ENTREP3: variants seen among roughly 807,000 people sequenced by gnomAD.
ENTREP3 encodes endosomal transmembrane epsin interactor 3.
chr1:155,255,319 G>A, the ENTREP3 span: 5 of 189,230 alleles, frequency 2.6e-5, no homozygotes, highest in South Asian at 4.9e-4. The surrounding 1 kb of genome is among the most constrained non-coding windows in gnomAD (Gnocchi z 5.6). Flanking sequence ...TAGAGGCGCG[G>A]TCGGTGTGCC....
At chr1:155,251,483 A>C in the ENTREP3 span, 11 of 1,592,096 alleles carry the variant, frequency 6.9e-6, no homozygotes, top group Non-Finnish European at 9.5e-6. Flanking sequence ...GCCCGCCCCA[A>C]GCCGTGCTGT....
At chr1:155,255,408 G>GCTC in the ENTREP3 span, 1 of 153,130 alleles carries the variant, frequency 6.5e-6, no homozygotes, top group Non-Finnish European at 1.5e-5. The surrounding 1 kb of genome is among the most constrained non-coding windows in gnomAD (Gnocchi z 5.6). Context: ...CGCCTGTCCC[G>GCTC]CTCCCCTCCC....
At chr1:155,248,771 G>C in the ENTREP3 span, among the ~76,000 whole-genome samples, 3 of 151,874 alleles carry the variant, frequency 2.0e-5, no homozygotes, top group Non-Finnish European at 4.4e-5. Context: ...CCGGAGTGCA[G>C]TGGTACGATC....
the ENTREP3 span, chr1:155,248,366 C>T: frequency 8.1e-6 from 13 of 1,613,892 alleles, no homozygotes; most frequent in Non-Finnish European, 1.1e-5. Context: ...GGCAGCCATG[C>T]CCAATCCCCA....
At chr1:155,252,720 ATATTTTTTTTTTTTTT>A in the ENTREP3 span, 1 of 29,506 alleles carries the variant, frequency 3.4e-5, no homozygotes, top group Non-Finnish European at 5.5e-5. Flanking sequence ...ATATATATAT[ATATTTTTTTTTTTTTT>A]TTTTTTTTTT....
chr1:155,251,105 G>A, the ENTREP3 span: 16 of 1,612,524 alleles, frequency 9.9e-6, no homozygotes, highest in Non-Finnish European at 1.4e-5. Flanking sequence ...CGTCTACAAT[G>A]GAGGCCACTC....
chr1:155,251,492 G>A, the ENTREP3 span: 12 of 1,606,878 alleles, frequency 7.5e-6, no homozygotes, highest in Non-Finnish European at 1.0e-5. Flanking sequence ...AAGCCGTGCT[G>A]TGCTCTCACC....
chr1:155,248,958 C>T, the ENTREP3 span, among the ~76,000 whole-genome samples: 1 of 152,018 alleles, frequency 6.6e-6, no homozygotes, highest in African/African-American at 2.4e-5. Context: ...TCAGGTGATC[C>T]ACCTGCCTTG....
the ENTREP3 span, chr1:155,248,478 G>C: frequency 6.2e-7 from 1 of 1,613,296 alleles, no homozygotes; most frequent in Non-Finnish European, 8.5e-7. Context: ...AGTCAGCTGG[G>C]GAGAAGAGAG....
chr1:155,251,102 A>T, the ENTREP3 span: 1 of 1,612,472 alleles, frequency 6.2e-7, no homozygotes, highest in Non-Finnish European at 8.5e-7. Flanking sequence ...CACCGTCTAC[A>T]ATGGAGGCCA....
chr1:155,255,051 C>T, the ENTREP3 span: 1 of 609,210 alleles, frequency 1.6e-6, no homozygotes, highest in Non-Finnish European at 2.9e-6. This position sits in a 1 kb window ranked among gnomAD's most constrained non-coding sequence, Gnocchi z 5.6. Context: ...GGGGGCCAAG[C>T]GAGGGGCGTC....
the ENTREP3 span, chr1:155,247,635 C>A: frequency 1.2e-6 from 1 of 809,418 alleles, no homozygotes; most frequent in Admixed American, 2.1e-5. Flanking sequence ...AGCAAGAGAC[C>A]CCAGAGGTAG....
chr1:155,249,945 C>CTACTCG, the ENTREP3 span, among the ~76,000 whole-genome samples: 2 of 150,732 alleles, frequency 1.3e-5, no homozygotes, highest in Non-Finnish European at 2.9e-5. Context: ...GTAGTCCCAG[C>CTACTCG]TACTCGGCAG....
chr1:155,249,602 G>T, the ENTREP3 span, among the ~76,000 whole-genome samples: 2 of 151,914 alleles, frequency 1.3e-5, no homozygotes, highest in African/African-American at 4.8e-5. Context: ...AAAATTGCCC[G>T]GGCACGGTGA....
chr1:155,250,902 C>T, the ENTREP3 span: 4 of 1,432,640 alleles, frequency 2.8e-6, no homozygotes, highest in East Asian at 9.9e-5. This position sits in a 1 kb window ranked among gnomAD's most constrained non-coding sequence, Gnocchi z 5.4. Context: ...CTCCCAAGCC[C>T]AGCCTCTAGG....
At chr1:155,254,620 C>G in the ENTREP3 span, 5 of 1,592,970 alleles carry the variant, frequency 3.1e-6, no homozygotes, top group Non-Finnish European at 8.6e-7. The surrounding 1 kb of genome is among the most constrained non-coding windows in gnomAD (Gnocchi z 4.4). Flanking sequence ...CCCGAGGAGC[C>G]TCCCCCACCC....
the ENTREP3 span, among the ~76,000 whole-genome samples, chr1:155,252,238 CTG>C: frequency 2.6e-4 from 39 of 151,676 alleles, 1 homozygote; most frequent in African/African-American, 7.5e-4. Flanking sequence ...GAGTCTGACT[CTG>C]TTGCTGGAGT....
the ENTREP3 span, chr1:155,250,728 T>A: frequency 6.2e-7 from 1 of 1,612,776 alleles, no homozygotes; most frequent in Non-Finnish European, 8.5e-7. The surrounding 1 kb of genome is among the most constrained non-coding windows in gnomAD (Gnocchi z 5.4). Flanking sequence ...CACGGAGCCC[T>A]GCAGCTCCAG....
chr1:155,247,376 T>C, the ENTREP3 span: 3 of 488,482 alleles, frequency 6.1e-6, no homozygotes, highest in Admixed American at 6.9e-5. Context: ...CCTAGATTTT[T>C]TGGACTCTTC....
Sources: gnomAD v4.1 joint callset for allele counts (sites outside exome capture counted in the v4.1 genomes callset) on GRCh38, gnomAD v4.1.1 for gene constraint, Gnocchi (gnomAD v3.1) non-coding constraint, MANE v1.5 for transcripts, NCBI Gene and HGNC (gene_info 2026-07-23, HGNC 2026-07-21) for gene names.